FHOD3: variants seen among roughly 807,000 people sequenced by gnomAD.
FHOD3 encodes FH1/FH2 domain-containing protein 3.
In FHOD3, 90 loss-of-function variants were observed where a neutral mutation model predicts 173.0. The observed-to-expected ratio is 0.52, with a 90% confidence interval of 0.44 to 0.62. The LOEUF is 0.62. Ranked by LOEUF, FHOD3 falls within the 20% of genes least tolerant of loss-of-function variation. The pLI, the probability that FHOD3 is intolerant of heterozygous loss-of-function variation, is 0.00. For missense variants in FHOD3, 1,945 were observed against 2,034.7 expected (o/e 0.96, Z 0.85); for synonymous variants, 828 against 823.0 (o/e 1.01, Z -0.10).
rs548379885 is a variant in FHOD3, at chr18:36,741,502, G to A, written c.3759+664G>A. 7.2e-4 allele frequency among the ~76,000 whole-genome samples: 110 copies of A among 152,250 alleles called. 1 individual carries two copies. Among genetic ancestry groups the A allele is most frequent in the African/African-American group, 2.4e-3 (99 of 41,536 alleles). ...TAGCCCAGGTGAGCCAGGTGCAGTG[G>A]CTCACACCTGTAATCCCAGCACTTT... On this transcript the variant is annotated intron_variant, in intron 21 of 28. Coordinates refer to ENST00000590592, the MANE Select transcript of FHOD3 (RefSeq NM_001281740.3).
chr18:36,693,180 A>C (rs1313494099), intron 16 of FHOD3, 29 bp from the exon 17 acceptor site: 1 of 1,598,116 alleles, frequency 6.3e-7, no homozygotes, highest in Admixed American at 1.7e-5. Flanking sequence ...CTTTCGTTTG[A>C]CGGAAACCCT....
chr18:36,588,305 A>G (rs2059106972), intron 6 of FHOD3, among the ~76,000 whole-genome samples: 1 of 152,182 alleles, frequency 6.6e-6, no homozygotes, highest in South Asian at 2.1e-4. Flanking sequence ...ATGTTTAAAT[A>G]AAGAGTTTGT....
At chr18:36,679,000 T>C (rs1344021795) in intron 14 of FHOD3, among the ~76,000 whole-genome samples, 1 of 152,202 alleles carries the variant, frequency 6.6e-6, no homozygotes, top group Non-Finnish European at 1.5e-5. Context: ...TAACTTGAAC[T>C]CTTCCTTGAG....
chr18:36,444,658 T>A (rs1307289403), intron 3 of FHOD3, among the ~76,000 whole-genome samples: 1 of 152,208 alleles, frequency 6.6e-6, no homozygotes, highest in African/African-American at 2.4e-5. Context: ...TGTGGATATT[T>A]TCTCATTGCC....
intron 25 of FHOD3, 33 bp downstream of exon 25, chr18:36,755,344 T>C: frequency 7.0e-7 from 1 of 1,435,888 alleles, no homozygotes; most frequent in Non-Finnish European, 9.3e-7. Flanking sequence ...CCTTATGTCA[T>C]TCGTTTTCAA....
intron 28 of FHOD3, among the ~76,000 whole-genome samples, chr18:36,772,303 G>T (rs2043421099): frequency 6.6e-6 from 1 of 152,200 alleles, no homozygotes; most frequent in African/African-American, 2.4e-5. Flanking sequence ...GTTATAAAGG[G>T]ATGATAAACT....
chr18:36,442,447 T>C (rs186283283), intron 3 of FHOD3, among the ~76,000 whole-genome samples: 21 of 152,350 alleles, frequency 1.4e-4, no homozygotes, highest in Non-Finnish European at 2.5e-4. Flanking sequence ...CTTTAAGATA[T>C]TGGCATTTGG....
At chr18:36,425,695 T>C (rs2050205503) in intron 3 of FHOD3, among the ~76,000 whole-genome samples, 2 of 152,168 alleles carry the variant, frequency 1.3e-5, no homozygotes, top group African/African-American at 2.4e-5. Flanking sequence ...ATGAAAATTC[T>C]TGTTATTGAA....
chr18:36,373,422 C>G (rs1428401863), intron 3 of FHOD3, among the ~76,000 whole-genome samples: 1 of 139,322 alleles, frequency 7.2e-6, no homozygotes, highest in Non-Finnish European at 1.5e-5. Context: ...CGTAGATCAT[C>G]CTGTTGAGTC....
chr18:36,476,462 A>T (rs1422082014), intron 3 of FHOD3, among the ~76,000 whole-genome samples: 2 of 152,220 alleles, frequency 1.3e-5, no homozygotes, highest in Non-Finnish European at 2.9e-5. Context: ...GCAGGGCAGC[A>T]GAGTGAAAGA....
chr18:36,606,524 G>C (rs1199752402), intron 8 of FHOD3, among the ~76,000 whole-genome samples: 2 of 152,060 alleles, frequency 1.3e-5, no homozygotes, highest in Non-Finnish European at 2.9e-5. Flanking sequence ...ACTTTGGGGG[G>C]CATATTAAAA....
At chr18:36,396,968 G>T (rs2048582161) in intron 3 of FHOD3, among the ~76,000 whole-genome samples, 1 of 151,462 alleles carries the variant, frequency 6.6e-6, no homozygotes, top group South Asian at 2.1e-4. Flanking sequence ...CTCTATTCTT[G>T]TCTCTCACTT....
intron 5 of FHOD3, among the ~76,000 whole-genome samples, chr18:36,517,242 G>A (rs2056039875): frequency 6.6e-6 from 1 of 152,108 alleles, no homozygotes; most frequent in South Asian, 2.1e-4. Context: ...GTGAAATTTT[G>A]TACCTCACAA....
intron 5 of FHOD3, among the ~76,000 whole-genome samples, chr18:36,518,552 G>A (rs573817802): frequency 5.9e-5 from 9 of 152,288 alleles, no homozygotes; most frequent in South Asian, 4.1e-4. Flanking sequence ...TCACTGCAGC[G>A]TAAGCAGACT....
intron 3 of FHOD3, among the ~76,000 whole-genome samples, chr18:36,467,189 T>C (rs2052994959): frequency 6.6e-6 from 1 of 152,138 alleles, no homozygotes; most frequent in African/African-American, 2.4e-5. Flanking sequence ...ACACCACCCT[T>C]CACCTTCGTC....
intron 1 of FHOD3, among the ~76,000 whole-genome samples, chr18:36,310,531 A>G (rs995946573): frequency 5.9e-5 from 9 of 152,036 alleles, no homozygotes; most frequent in African/African-American, 2.2e-4. Flanking sequence ...ACTAAAAAGT[A>G]CAAAAATTAG....
chr18:36,749,565 A>C (rs560690618), intron 24 of FHOD3, among the ~76,000 whole-genome samples: 6 of 152,054 alleles, frequency 3.9e-5, no homozygotes, highest in Non-Finnish European at 8.8e-5. Context: ...ACATTTTTTT[A>C]TCCAATCTGT....
At chr18:36,739,025 A>G (rs1269266695) in intron 20 of FHOD3, among the ~76,000 whole-genome samples, 1 of 152,192 alleles carries the variant, frequency 6.6e-6, no homozygotes, top group Non-Finnish European at 1.5e-5. Flanking sequence ...CAGATGGGAT[A>G]AAGCAAAAAA....
chr18:36,389,296 C>T (rs113230454), intron 3 of FHOD3, among the ~76,000 whole-genome samples: 27 of 152,324 alleles, frequency 1.8e-4, no homozygotes, highest in African/African-American at 6.5e-4. Context: ...CAGACCCCAA[C>T]ACTGAAGAAC....
Sources: allele counts gnomAD v4.1 joint callset (sites outside exome capture counted in the v4.1 genomes callset), GRCh38; gene constraint gnomAD v4.1.1; transcripts MANE v1.5; gene names NCBI Gene and HGNC (gene_info 2026-07-23, HGNC 2026-07-21).